Variants in WDR33 observed in about 807,000 individuals in gnomAD.
WDR33 encodes WD repeat domain 33.
A neutral mutation model predicts 164.9 loss-of-function variants in WDR33; 47 were observed. That is an observed-to-expected ratio of 0.29 (90% CI 0.23 to 0.36). WDR33 has a LOEUF of 0.36. WDR33 is among the 10% of genes least tolerant of loss of function. The probability of loss-of-function intolerance (pLI) is 1.00; values close to 1 mark genes in which losing one functional copy is unlikely to be tolerated. For synonymous variants in WDR33, 505 were observed against 589.0 expected (o/e 0.86, Z 2.06); for missense variants, 1,137 against 1,754.1 (o/e 0.65, Z 6.28).
chr2:127,749,060 G>A (rs1020159768), intron 7 of WDR33, among the ~76,000 whole-genome samples: 8 of 152,128 alleles, frequency 5.3e-5, no homozygotes, highest in African/African-American at 1.2e-4. Context: ...AAATGTGGCC[G>A]GGCTTGGTGG....
chr2:127,734,710 G>A (rs563281934), intron 7 of WDR33, among the ~76,000 whole-genome samples: 2 of 152,174 alleles, frequency 1.3e-5, no homozygotes, highest in African/African-American at 2.4e-5. Flanking sequence ...TATTTGTAGG[G>A]TTACATAGTG....
chr2:127,787,113 C>T (rs1236317015), intron 1 of WDR33, among the ~76,000 whole-genome samples: 2 of 91,928 alleles, frequency 2.2e-5, no homozygotes, highest in Non-Finnish European at 4.2e-5. Context: ...TCTTGCACCG[C>T]CCTTAATCCA....
At chr2:127,774,922 A>C (rs949468642) in intron 1 of WDR33, among the ~76,000 whole-genome samples, 1 of 152,234 alleles carries the variant, frequency 6.6e-6, no homozygotes, top group African/African-American at 2.4e-5. Context: ...AAAAATCCAG[A>C]ACATGCTAAT....
In WDR33 at chr2:127,768,189, C is replaced by T; in HGVS notation, c.378G>A (p.Arg126=). Residue 126 remains arginine, a splice_region_variant and synonymous_variant, in exon 4 of 22, where the codon AGG becomes AGA. Coordinates refer to ENST00000322313, the MANE Select transcript of WDR33 (RefSeq NM_018383.5). ...NKVKCPVFVV[R]WTPEGRRLVT... ...CCAAAATATCCAACAGATTACTTAC[C>T]CTAACAACAAATACAGGACACTTTA... 2 of 1,530,744 alleles carry T rather than the reference C, an allele frequency of 1.3e-6. No individual in the cohort carries two copies. Among genetic ancestry groups the T allele is most frequent in the Non-Finnish European group, 1.8e-6 (2 of 1,131,934 alleles). 94.8% of individuals were successfully genotyped at this position (1,530,744 alleles called of 1,614,324 possible). A position where few individuals can be genotyped will look rare whatever the true frequency, so the allele number is the denominator to read the frequency against.
At chr2:127,715,088 C>CTTTTTTTTTTTTTTTTTTTTTTT (rs386391178) in intron 17 of WDR33, among the ~76,000 whole-genome samples, 2 of 108,580 alleles carry the variant, frequency 1.8e-5, no homozygotes, top group South Asian at 3.3e-4. Flanking sequence ...TTCTTTGTTT[C>CTTTTTTTTTTTTTTTTTTTTTTT]TTTTTTTTTT....
intron 1 of WDR33, among the ~76,000 whole-genome samples, chr2:127,785,181 T>G (rs1688518127): frequency 6.6e-6 from 1 of 152,192 alleles, no homozygotes; most frequent in Non-Finnish European, 1.5e-5. Flanking sequence ...TAGAGTAGTT[T>G]TAGGTTCACA....
intron 1 of WDR33, among the ~76,000 whole-genome samples, chr2:127,798,398 A>G (rs866961018): frequency 1.4e-5 from 2 of 146,852 alleles, no homozygotes; most frequent in African/African-American, 5.0e-5. Context: ...AAAAAAAATG[A>G]ATTTAAAAGC....
chr2:127,781,344 A>C (rs1688361715), intron 1 of WDR33, among the ~76,000 whole-genome samples: 1 of 152,174 alleles, frequency 6.6e-6, no homozygotes, highest in African/African-American at 2.4e-5. Context: ...GTGTGGTTAT[A>C]AAAAAGGTAA....
rs896943753 is a variant in WDR33, at chr2:127,720,646, C to CCT, written c.1672-295_1672-294dup. ...GTGGTACGATCGTGGTTCACTACAG[C>CCT]CTCACCCTCCTGGGCTCAAGTGATC... On this transcript the variant is annotated intron_variant, in intron 15 of 21. Transcript: ENST00000322313. This position sits in a 1 kb window ranked among gnomAD's most constrained non-coding sequence, Gnocchi z 5.9. 5.9e-5 allele frequency among the ~76,000 whole-genome samples: 9 copies of CCT among 152,096 alleles called. No individual in the cohort carries two copies. Among genetic ancestry groups the CCT allele is most frequent in the Admixed American group, 2.6e-4 (4 of 15,276 alleles).
chr2:127,745,463 T>C (rs960602946), intron 7 of WDR33, among the ~76,000 whole-genome samples: 6 of 152,192 alleles, frequency 3.9e-5, no homozygotes, highest in Non-Finnish European at 2.9e-5. Flanking sequence ...TTCTCACCCT[T>C]AACTGTATTT....
In WDR33 at chr2:127,764,279, A is replaced by G. The variant is rs371936224; in HGVS notation, c.626+549T>C. The stretch of plus-strand genomic sequence containing the variant: ...TTGACAATGATCTGCTTACAGCTGC[A>G]AAGCTTGAAGAACCCATTCATTACT... On this transcript the variant is annotated intron_variant, in intron 6 of 21. Transcript: ENST00000322313. The surrounding 1 kb of genome is among the most constrained non-coding windows in gnomAD (Gnocchi z 6.2). The G allele has an allele frequency of 8.7e-6, 11 of 1,262,636 alleles. No individual in the cohort carries two copies. In the East Asian group the frequency reaches 3.1e-4, roughly 35 times the overall value. 78.2% of individuals were successfully genotyped at this position (1,262,636 alleles called of 1,614,324 possible). A position where few individuals can be genotyped will look rare whatever the true frequency, so the allele number is the denominator to read the frequency against.
Position 127,701,441 on chromosome 2 carries a change from G to A in WDR33, c.*4882C>T. ...AGGCCCTGCCCCTTTCGCCGTCGCC[G>A]ACCAATTGCCGCCCGAAGACCGAAC... On this transcript the variant is annotated 3_prime_UTR_variant, in exon 22 of 22. Coordinates refer to ENST00000322313, the MANE Select transcript of WDR33 (RefSeq NM_018383.5). 8.3e-7 allele frequency: 1 copy of A among 1,201,510 alleles called. No homozygotes were observed. The highest frequency in any genetic ancestry group is 3.6e-5 in the South Asian group (1 of 27,590). 74.4% of individuals were successfully genotyped at this position (1,201,510 alleles called of 1,614,324 possible). A position where few individuals can be genotyped will look rare whatever the true frequency, so the allele number is the denominator to read the frequency against.
chr2:127,711,339 C>T (rs1686155117), intron 18 of WDR33, among the ~76,000 whole-genome samples: 1 of 150,444 alleles, frequency 6.6e-6, no homozygotes, highest in Non-Finnish European at 1.5e-5. Context: ...GCACAAGAAT[C>T]GCTTGAACCC....
chr2:127,745,480 T>C (rs993008885), intron 7 of WDR33, among the ~76,000 whole-genome samples: 4 of 152,208 alleles, frequency 2.6e-5, no homozygotes, highest in Non-Finnish European at 4.4e-5. Context: ...ATTTAAACAA[T>C]GGTTTTTCTT....
chr2:127,800,994 T>A (rs1253375253), intron 1 of WDR33, among the ~76,000 whole-genome samples: 1 of 151,718 alleles, frequency 6.6e-6, no homozygotes, highest in Non-Finnish European at 1.5e-5. Flanking sequence ...ATGGGCATAG[T>A]GGCTCATGCC....
chr2:127,701,790 G>A lies in WDR33; in HGVS notation c.*4533C>T, dbSNP rs953133255. 4.8e-6 allele frequency: 7 copies of A among 1,451,040 alleles called. No individual in the cohort carries two copies. Among genetic ancestry groups the A allele is most frequent in the East Asian group, 6.2e-5 (2 of 32,172 alleles). 89.9% of individuals were successfully genotyped at this position (1,451,040 alleles called of 1,614,324 possible). ...GGGCGGCGGGTGCCTGCTGCTGGCT[G>A]CACTGTGTTTCGGCCTAGCCGCGCT... On this transcript the variant is annotated 3_prime_UTR_variant, in exon 22 of 22. Coordinates refer to ENST00000322313, the MANE Select transcript of WDR33 (RefSeq NM_018383.5).
intron 8 of WDR33, among the ~76,000 whole-genome samples, chr2:127,725,807 TA>T (rs1191563068): frequency 6.6e-6 from 1 of 151,356 alleles, no homozygotes; most frequent in African/African-American, 2.4e-5. Context: ...CACTGAACAG[TA>T]AAATTTATCC....
At chr2:127,747,959 A>G (rs1687214279) in intron 7 of WDR33, among the ~76,000 whole-genome samples, 1 of 152,210 alleles carries the variant, frequency 6.6e-6, no homozygotes, top group Non-Finnish European at 1.5e-5. Context: ...CGTCAATATC[A>G]AAAGTAGTCA....
At position 127,717,089 on chromosome 2, in the gene WDR33, A is replaced by T; in HGVS notation, c.2869+66T>A. On this transcript the variant is annotated intron_variant, in intron 17 of 21. Coordinates refer to ENST00000322313, the MANE Select transcript of WDR33 (RefSeq NM_018383.5). This position sits in a 1 kb window ranked among gnomAD's most constrained non-coding sequence, Gnocchi z 5.6. ...CTATCAATGACTGGCCAACAAAATT[A>T]TTCACTGTAAAATGTGCACAAAGGT... 1 of 1,499,450 alleles carries T rather than the reference A, an allele frequency of 6.7e-7. No homozygotes were observed. Among genetic ancestry groups the T allele is most frequent in the Non-Finnish European group, 9.1e-7 (1 of 1,099,000 alleles). The allele number at this position is 1,499,450 out of a possible 1,614,324, so 92.9% of individuals were successfully genotyped here. A position where few individuals can be genotyped will look rare whatever the true frequency, so the allele number is the denominator to read the frequency against.
Sources: allele counts gnomAD v4.1 joint callset (sites outside exome capture counted in the v4.1 genomes callset), GRCh38; gene constraint gnomAD v4.1.1; non-coding constraint Gnocchi (gnomAD v3.1); transcripts MANE v1.5; gene names NCBI Gene and HGNC (gene_info 2026-07-23, HGNC 2026-07-21).